PCDHA1: variants seen among roughly 807,000 people sequenced by gnomAD.
PCDHA1 encodes the protein protocadherin alpha-1.
PCDHA1 carries 42 observed loss-of-function variants against 61.3 expected under a neutral mutation model. That is an observed-to-expected ratio of 0.69 (90% CI 0.54 to 0.89). The LOEUF (loss-of-function observed/expected upper bound fraction) is 0.89, where lower values mean the gene tolerates loss of function less well. PCDHA1 is among the 40% of genes least tolerant of loss of function. The pLI, the probability that PCDHA1 is intolerant of heterozygous loss-of-function variation, is 0.00. For missense variants in PCDHA1, 1,256 were observed against 1,235.3 expected, an observed-to-expected ratio of 1.02 and a Z score of -0.25; for synonymous variants, 610 against 553.8, an observed-to-expected ratio of 1.10 and a Z score of -1.43.
At chr5:140,872,294 T>C in intron 1 of PCDHA1, among the ~76,000 whole-genome samples, 1 of 152,190 alleles carries the variant, frequency 6.6e-6, no homozygotes, top group East Asian at 1.9e-4. Flanking sequence ...AAGCCTTGCA[T>C]TCTTATATGC....
At chr5:140,997,740 C>T (rs568361121) in intron 3 of PCDHA1, among the ~76,000 whole-genome samples, 3 of 151,924 alleles carry the variant, frequency 2.0e-5, no homozygotes, top group African/African-American at 7.2e-5. Flanking sequence ...ATAGATTTGC[C>T]ACAATCTTCT....
intron 1 of PCDHA1, among the ~76,000 whole-genome samples, chr5:140,925,065 G>C (rs782540022): frequency 2.0e-5 from 3 of 151,188 alleles, no homozygotes; most frequent in Non-Finnish European, 4.4e-5. Flanking sequence ...GGGCAACAAA[G>C]CAACACGCTC....
At chr5:140,853,663 T>C (rs1278843204) in intron 1 of PCDHA1, 2 of 988,324 alleles carry the variant, frequency 2.0e-6, no homozygotes, top group South Asian at 4.7e-5. Context: ...CCAGACAAAT[T>C]GGGGCCTATG....
chr5:140,829,372 G>A (rs1770256415), intron 1 of PCDHA1: 2 of 1,614,208 alleles, frequency 1.2e-6, no homozygotes, highest in South Asian at 2.2e-5. Context: ...TGGTAACCGC[G>A]CGGGACGGGG....
chr5:140,882,226 G>T, intron 1 of PCDHA1: 1 of 1,564,150 alleles, frequency 6.4e-7, no homozygotes, highest in Admixed American at 1.9e-5. Context: ...GAGGTAAGGC[G>T]TTGTATATAT....
intron 1 of PCDHA1, chr5:140,821,403 A>G (rs1766966942): frequency 5.9e-6 from 1 of 170,864 alleles, no homozygotes; most frequent in Non-Finnish European, 1.3e-5. Flanking sequence ...GACGCATTTT[A>G]AGATAGAGTT....
intron 1 of PCDHA1, among the ~76,000 whole-genome samples, chr5:140,890,258 A>G (rs2062565845): frequency 6.6e-6 from 1 of 152,030 alleles, no homozygotes; most frequent in East Asian, 1.9e-4. Flanking sequence ...ACTGCACCTG[A>G]TTGCAAGCAA....
At position 140,857,848 on chromosome 5, in the gene PCDHA1, T is replaced by C. The variant is rs781886791; in HGVS notation, c.2394+69164T>C. The C allele has an allele frequency of 1.4e-5, 23 of 1,597,666 alleles. No homozygotes were observed. The highest frequency in any genetic ancestry group is 1.9e-5 in the Non-Finnish European group (22 of 1,167,550). The stretch of plus-strand genomic sequence containing the variant: ...AGGTGCGCGCAGTGGACGCTGACTC[T>C]GGATACAACGCGTGGCTGTCGTATG... On this transcript the variant is annotated intron_variant, in intron 1 of 3. Coordinates refer to ENST00000504120, the MANE Select transcript of PCDHA1 (RefSeq NM_018900.4).
chr5:140,952,832 G>A (rs560488815), intron 1 of PCDHA1, among the ~76,000 whole-genome samples: 1 of 152,226 alleles, frequency 6.6e-6, no homozygotes, highest in African/African-American at 2.4e-5. Context: ...GCATGATGCT[G>A]GCCATCTGCT....
At position 140,929,227 on chromosome 5, in the gene PCDHA1, G is replaced by C. The variant is rs141300036; in HGVS notation, c.2395-49722G>C. ...GTTGCGTGGGGAGTACAATGCTGCC[G>C]ACCTGCGAAATCTTGCCACTGGGGT... On this transcript the variant is annotated intron_variant, in intron 1 of 3. Transcript: ENST00000504120. 7.4e-6 allele frequency: 12 copies of C among 1,613,892 alleles called. No homozygotes were observed. In the African/African-American group the frequency reaches 1.5e-4, roughly 20 times the overall value.
intron 1 of PCDHA1, chr5:140,813,385 A>G (rs1283175355): frequency 6.6e-6 from 1 of 152,194 alleles, no homozygotes; most frequent in African/African-American, 2.4e-5. Flanking sequence ...TACATGATCT[A>G]TTGCTTCTAG....
At chr5:140,869,347 G>C (rs782437200) in intron 1 of PCDHA1, 1 of 1,614,082 alleles carries the variant, frequency 6.2e-7, no homozygotes, top group Non-Finnish European at 8.5e-7. Context: ...TCTGCAGAAT[G>C]GCATTTTGTT....
Position 140,882,813 on chromosome 5 carries a change from C to A in PCDHA1, c.2394+94129C>A, listed in dbSNP as rs782169035. 2 of 1,614,058 alleles carry A rather than the reference C, an allele frequency of 1.2e-6. No individual in the cohort carries two copies. The highest frequency in any genetic ancestry group is 3.3e-5 in the Admixed American group (2 of 60,002). On this transcript the variant is annotated intron_variant, in intron 1 of 3. Transcript: ENST00000504120. ...CCCAACGATTATTTCACTTTGGACG[C>A]ACAAAACAGTCTTGAGCAAATGTCT...
intron 1 of PCDHA1, among the ~76,000 whole-genome samples, chr5:140,933,543 A>C (rs888580290): frequency 6.6e-6 from 1 of 152,092 alleles, no homozygotes; most frequent in Non-Finnish European, 1.5e-5. Flanking sequence ...AATAATGTTA[A>C]TATAAAATAA....
intron 1 of PCDHA1, chr5:140,796,688 G>C: frequency 6.2e-7 from 1 of 1,613,940 alleles, no homozygotes; most frequent in Non-Finnish European, 8.5e-7. Context: ...ACCGCTGCTG[G>C]CGCAGTGAGT....
At chr5:140,924,738 T>C (rs2153573504) in intron 1 of PCDHA1, among the ~76,000 whole-genome samples, 1 of 151,522 alleles carries the variant, frequency 6.6e-6, no homozygotes, top group Admixed American at 6.6e-5. Flanking sequence ...CTAATAAAAA[T>C]ACAAAAATTA....
At chr5:140,911,021 G>A (rs1340465729) in intron 1 of PCDHA1, among the ~76,000 whole-genome samples, 2 of 152,066 alleles carry the variant, frequency 1.3e-5, no homozygotes, top group African/African-American at 4.8e-5. Context: ...CTTTAGTCTA[G>A]TTATAGGTCT....
intron 1 of PCDHA1, among the ~76,000 whole-genome samples, chr5:140,826,668 A>G (rs2150144773): frequency 3.3e-5 from 5 of 152,306 alleles, no homozygotes; most frequent in South Asian, 2.1e-4. Context: ...AGTAAATTGT[A>G]GACGTAATTA....
At chr5:140,817,379 A>G (rs1251072338) in intron 1 of PCDHA1, 1 of 152,232 alleles carries the variant, frequency 6.6e-6, no homozygotes, top group Non-Finnish European at 1.5e-5. Flanking sequence ...GGCACTTATC[A>G]CCATGGGAAT....
Sources: allele counts gnomAD v4.1 joint callset (sites outside exome capture counted in the v4.1 genomes callset), GRCh38; gene constraint gnomAD v4.1.1; transcripts MANE v1.5; gene names NCBI Gene and HGNC (gene_info 2026-07-23, HGNC 2026-07-21).